ADAMTSL1: variants seen among roughly 807,000 people sequenced by gnomAD.
ADAMTSL1 encodes ADAMTS-like protein 1.
In ADAMTSL1, 126 loss-of-function variants were observed where a neutral mutation model predicts 201.8. That is an observed-to-expected ratio of 0.62 (90% CI 0.54 to 0.72). The LOEUF is 0.72. ADAMTSL1 is among the 30% of genes least tolerant of loss of function. The pLI is 0.00. For synonymous variants in ADAMTSL1, 1,121 were observed against 903.4 expected, an observed-to-expected ratio of 1.24 and a Z score of -4.32; for missense variants, 2,679 against 2,277.8, an observed-to-expected ratio of 1.18 and a Z score of -3.59.
chr9:18,312,439 G>A (rs1258884295), intron 2 of ADAMTSL1, among the ~76,000 whole-genome samples: 1 of 152,206 alleles, frequency 6.6e-6, no homozygotes, highest in Non-Finnish European at 1.5e-5. Flanking sequence ...AATGAGAGCA[G>A]GAGTTACAGG....
intron 2 of ADAMTSL1, among the ~76,000 whole-genome samples, chr9:18,251,605 A>C (rs1366937097): frequency 6.6e-6 from 1 of 152,172 alleles, no homozygotes; most frequent in Non-Finnish European, 1.5e-5. Context: ...GCAGGAAGGG[A>C]CTGGATAAAA....
At position 18,684,769 on chromosome 9, in the gene ADAMTSL1, G is replaced by C. The variant is rs1422855727; in HGVS notation, c.1543G>C (p.Glu515Gln). 1.9e-6 allele frequency: 3 copies of C among 1,612,688 alleles called. No individual in the cohort carries two copies. ...ATGGTTCAAACAAGCTCAAGAGCTA[G>C]AAGAAGGAGCTGCTGTGTCAGAGGA... ...LPWFKQAQEL[E>Q]EGAAVSEEPS... The change falls in exon 13 of 29, where the codon GAA becomes CAA. Residue 515 changes from glutamate to glutamine, a missense_variant. Glu to Gln is a conservative substitution (Grantham distance 29, BLOSUM62 2). Coordinates refer to ENST00000380548, the MANE Select transcript of ADAMTSL1 (RefSeq NM_001040272.6).
rs1040374525 is a variant in ADAMTSL1 at position 18,254,349 on chromosome 9, T to C, written c.207+90368T>C. On this transcript the variant is annotated intron_variant, in intron 2 of 29. Transcript: ENST00000680146. ...CTACCGTCAATACTCTTTTTGGTTT[T>C]TTTTTTTTTTTTTTTTTTTTTTTTT... is the stretch of plus-strand genomic sequence containing the variant. 3.5e-4 allele frequency among the ~76,000 whole-genome samples: 12 copies of C among 34,676 alleles called. No individual in the cohort carries two copies. In the South Asian group the frequency reaches 0.013, roughly 39 times the overall value. 22.7% of individuals were successfully genotyped at this position (34,676 alleles called of 152,430 possible). A position where few individuals can be genotyped will look rare whatever the true frequency, so the allele number is the denominator to read the frequency against.
chr9:18,357,770 A>AAAAC (rs1836318580), intron 2 of ADAMTSL1, among the ~76,000 whole-genome samples: 2 of 152,122 alleles, frequency 1.3e-5, no homozygotes, highest in South Asian at 4.1e-4. Flanking sequence ...CTAGAATTGG[A>AAAAC]AAACATGAAA....
At chr9:18,872,467 G>C (rs1827925459) in intron 23 of ADAMTSL1, among the ~76,000 whole-genome samples, 1 of 152,140 alleles carries the variant, frequency 6.6e-6, no homozygotes, top group African/African-American at 2.4e-5. Flanking sequence ...CCAATGTGTA[G>C]TCTTTTATCC....
chr9:18,302,240 C>T (rs141149751), intron 2 of ADAMTSL1, among the ~76,000 whole-genome samples: 6 of 152,204 alleles, frequency 3.9e-5, no homozygotes, highest in African/African-American at 1.4e-4. Context: ...TCTCAGGTCA[C>T]CTGGGAGCAT....
chr9:18,246,149 G>A (rs1399943928), intron 2 of ADAMTSL1, among the ~76,000 whole-genome samples: 2 of 152,010 alleles, frequency 1.3e-5, no homozygotes, highest in Non-Finnish European at 2.9e-5. Context: ...TGTCATCCTC[G>A]AGCCATCTGG....
intron 2 of ADAMTSL1, among the ~76,000 whole-genome samples, chr9:18,467,534 A>T (rs1587295891): frequency 6.6e-6 from 1 of 152,248 alleles, no homozygotes; most frequent in African/African-American, 2.4e-5. Flanking sequence ...ATGCATTCAA[A>T]TATATTGAAA....
chr9:18,182,849 G>C (rs1013365381), intron 2 of ADAMTSL1, among the ~76,000 whole-genome samples: 1 of 152,156 alleles, frequency 6.6e-6, no homozygotes, highest in Non-Finnish European at 1.5e-5. Context: ...CCATAGTCCT[G>C]ATTGCTATAC....
chr9:18,804,513 C>G (rs1822987266), intron 20 of ADAMTSL1, among the ~76,000 whole-genome samples: 1 of 152,114 alleles, frequency 6.6e-6, no homozygotes, highest in African/African-American at 2.4e-5. Context: ...GTTAATATAA[C>G]TATTATTTGT....
rs117249703 is a variant in ADAMTSL1 at position 18,242,922 on chromosome 9, A to C, written c.207+78941A>C. On this transcript the variant is annotated intron_variant, in intron 2 of 29. Coordinates refer to the ADAMTSL1 transcript ENST00000680146. ...TGCTGTTAAAACACCCATACTACCC[A>C]AATCAATATACAGATTCAATGCAAC... 4.5e-3 allele frequency among the ~76,000 whole-genome samples: 683 copies of C among 152,296 alleles called. 5 individuals carry two copies. Among genetic ancestry groups the C allele is most frequent in the Non-Finnish European group, 7.9e-3 (535 of 68,008 alleles).
At chr9:18,533,695 T>C (rs937219481) in intron 3 of ADAMTSL1, among the ~76,000 whole-genome samples, 4 of 152,238 alleles carry the variant, frequency 2.6e-5, no homozygotes, top group Non-Finnish European at 4.4e-5. Flanking sequence ...GTGCCAACTA[T>C]GTGTGAGGCA....
chr9:18,577,068 C>T (rs1235603074), intron 4 of ADAMTSL1, among the ~76,000 whole-genome samples: 1 of 152,166 alleles, frequency 6.6e-6, no homozygotes, highest in African/African-American at 2.4e-5. Context: ...AGACACAACT[C>T]TTAAGACCTG....
chr9:18,034,605 C>A (rs1482837596), intron 1 of ADAMTSL1, among the ~76,000 whole-genome samples: 1 of 152,076 alleles, frequency 6.6e-6, no homozygotes, highest in African/African-American at 2.4e-5. Context: ...TAGCACCAAA[C>A]CTCAGTACCA....
Position 17,960,789 on chromosome 9 carries a change from C to T in ADAMTSL1, c.87+53867C>T, listed in dbSNP as rs540815583. Among the ~76,000 whole-genome samples the T allele has an allele frequency of 5.3e-5, 8 of 152,292 alleles. No individual in the cohort carries two copies. The East Asian group carries it at 7.7e-4, about 15-fold the overall frequency. On this transcript the variant is annotated intron_variant, in intron 1 of 29. Transcript: ENST00000680146. Reference sequence around the variant, plus strand: ...ACTTATACTTTATAGATTTCATTTACATTTTCCCAGAGCCTTCCTTTCCAT... The same window carrying T: ...ACTTATACTTTATAGATTTCATTTATATTTTCCCAGAGCCTTCCTTTCCAT...
intron 21 of ADAMTSL1, among the ~76,000 whole-genome samples, chr9:18,823,135 C>T (rs767330918): frequency 9.9e-5 from 15 of 152,164 alleles, no homozygotes; most frequent in Non-Finnish European, 1.9e-4. Flanking sequence ...CAAAATGTGG[C>T]ACCAGTAACA....
intron 4 of ADAMTSL1, among the ~76,000 whole-genome samples, chr9:18,588,498 G>A (rs112170997): frequency 2.5e-4 from 38 of 152,022 alleles, no homozygotes; most frequent in African/African-American, 8.9e-4. Flanking sequence ...TTTGTTTTCT[G>A]TGCTTTTGAG....
At chr9:18,109,676 G>T (rs1265791717) in intron 1 of ADAMTSL1, among the ~76,000 whole-genome samples, 1 of 152,176 alleles carries the variant, frequency 6.6e-6, no homozygotes, top group East Asian at 1.9e-4. Context: ...AAGTATATCA[G>T]ACAGCCTTTT....
At chr9:18,543,178 T>C (rs1414367236) in intron 3 of ADAMTSL1, among the ~76,000 whole-genome samples, 1 of 152,196 alleles carries the variant, frequency 6.6e-6, no homozygotes, top group African/African-American at 2.4e-5. Flanking sequence ...TCTAACTTAC[T>C]GTAAAGCCAA....
Sources: gnomAD v4.1 joint callset for allele counts (sites outside exome capture counted in the v4.1 genomes callset) on GRCh38, gnomAD v4.1.1 for gene constraint, MANE v1.5 for transcripts, NCBI Gene and HGNC (gene_info 2026-07-23, HGNC 2026-07-21) for gene names.